Variants in ARHGEF37 observed in about 807,000 individuals in gnomAD.
The protein encoded by ARHGEF37 is Rho guanine nucleotide exchange factor (GEF) 37.
ARHGEF37 carries 55 observed loss-of-function variants against 71.1 expected under a neutral mutation model. The observed-to-expected ratio is 0.77, with a 90% CI of 0.62 to 0.97. The LOEUF (loss-of-function observed/expected upper bound fraction) is 0.97. Ranked by LOEUF, ARHGEF37 falls within the 50% of genes least tolerant of loss-of-function variation. The probability of loss-of-function intolerance (pLI) is 0.00; values close to 1 mark genes in which losing one functional copy is unlikely to be tolerated. For synonymous variants in ARHGEF37, 327 were observed against 350.6 expected (o/e 0.93, Z 0.75); for missense variants, 765 against 836.8 (o/e 0.91, Z 1.06).
chr5:149,577,752 C>A (rs1387772914), upstream of ARHGEF37, among the ~76,000 whole-genome samples: 1 of 152,222 alleles, frequency 6.6e-6, no homozygotes, highest in East Asian at 1.9e-4. Context: ...TTGTCATTTT[C>A]CTGGCTGCCC....
rs764425139 is a variant in ARHGEF37 at position 149,627,266 on chromosome 5, C to G, written c.1655C>G (p.Thr552Ser). 27 of 1,613,278 alleles carry G rather than the reference C, an allele frequency of 1.7e-5. No individual in the cohort carries two copies. Among genetic ancestry groups the G allele is most frequent in the Non-Finnish European group, 2.3e-5 (27 of 1,179,760 alleles). ...AACAGCGGCCGCTGGCTGGTGGACA[C>G]CGGGGGTACGTGAGCCTTTGGGAGC... ...KGNSGRWLVD[T>S]GGHRGYVPAG... The change falls in exon 11 of 13, where the codon ACC becomes AGC. Residue 552 changes from threonine (T) to serine (S), a missense_variant. Physicochemically the swap from Thr to Ser is moderately conservative, Grantham distance 58. Around this residue, in one of 5 missense-constraint regions of ARHGEF37, gnomAD observed 390 missense variants for 407.4 expected, o/e 0.96. Coordinates refer to ENST00000333677, the MANE Select transcript of ARHGEF37 (RefSeq NM_001001669.3).
intron 1 of ARHGEF37, among the ~76,000 whole-genome samples, chr5:149,558,275 A>G (rs1000965644): frequency 3.9e-5 from 6 of 152,088 alleles, no homozygotes; most frequent in African/African-American, 1.2e-4. Context: ...TGGGAGGCTG[A>G]GGCGGGCGGA....
At chr5:149,619,945 C>T (rs561140191) in intron 7 of ARHGEF37, among the ~76,000 whole-genome samples, 25 of 152,044 alleles carry the variant, frequency 1.6e-4, no homozygotes, top group Non-Finnish European at 2.5e-4. Context: ...AGGTGTCACA[C>T]GCCTGTAGTC....
intron 1 of ARHGEF37, among the ~76,000 whole-genome samples, chr5:149,571,567 T>G (rs976674151): frequency 1.3e-5 from 2 of 152,144 alleles, no homozygotes; most frequent in Non-Finnish European, 2.9e-5. Flanking sequence ...TATCACCAAA[T>G]TGATCCACAG....
chr5:149,581,181 G>T (rs981794721), upstream of ARHGEF37, among the ~76,000 whole-genome samples: 1 of 152,148 alleles, frequency 6.6e-6, no homozygotes, highest in African/African-American at 2.4e-5. Flanking sequence ...CAGTAATACC[G>T]GGGTCAGCAT....
Position 149,620,467 on chromosome 5 carries a change from G to T in ARHGEF37, c.1005+3G>T. 1 of 1,594,922 alleles carries T rather than the reference G, an allele frequency of 6.3e-7. No homozygotes were observed. Among genetic ancestry groups the T allele is most frequent in the Non-Finnish European group, 8.6e-7 (1 of 1,165,712 alleles). On this transcript the variant is annotated splice_donor_region_variant and intron_variant, in intron 8 of 12. Transcript: ENST00000333677. ...ACCTTGAGGCCTTCCTGAAATTTGTGAGTGGAACCTTTCCTTTCTCCTTTC... is the reference window on the plus strand; with the variant it reads ...ACCTTGAGGCCTTCCTGAAATTTGTTAGTGGAACCTTTCCTTTCTCCTTTC...
chr5:149,624,400 AAT>A (rs761370592), intron 10 of ARHGEF37, among the ~76,000 whole-genome samples: 1 of 152,370 alleles, frequency 6.6e-6, no homozygotes, highest in East Asian at 1.9e-4. Context: ...CAGACCTTTT[AAT>A]ATTAAGTGAA....
chr5:149,580,341 G>A (rs758409385), upstream of ARHGEF37, among the ~76,000 whole-genome samples: 3 of 152,030 alleles, frequency 2.0e-5, no homozygotes, highest in African/African-American at 4.8e-5. Context: ...GATTACAGCC[G>A]TGAGCCACCG....
intron 5 of ARHGEF37, 122 bp from the exon 6 acceptor site, chr5:149,618,054 C>A (rs1164185138): frequency 7.2e-7 from 1 of 1,390,972 alleles, no homozygotes; most frequent in Non-Finnish European, 1.0e-6. Context: ...ACTCACTAAC[C>A]TCATGAATGT....
In ARHGEF37 at chr5:149,630,568, G is replaced by A. The variant is rs1260511906; in HGVS notation, c.1819-1414G>A. On this transcript the variant is annotated intron_variant, in intron 12 of 12. Coordinates refer to ENST00000333677, the MANE Select transcript of ARHGEF37 (RefSeq NM_001001669.3). ...GTCAGGCCAGCATCCTTCAGCAGTA[G>A]CCAGAATTAAAGCACCAGGGGCTAC... 2.0e-5 allele frequency among the ~76,000 whole-genome samples: 3 copies of A among 152,160 alleles called. No individual in the cohort carries two copies. In the East Asian group the frequency reaches 5.8e-4, roughly 29 times the overall value.
At chr5:149,627,538 C>T (rs1261270688) in intron 11 of ARHGEF37, among the ~76,000 whole-genome samples, 1 of 152,256 alleles carries the variant, frequency 6.6e-6, no homozygotes, top group East Asian at 1.9e-4. Flanking sequence ...GCATATAAGA[C>T]AAGGCCCCTG....
chr5:149,628,780 AGCCTGCTAACCTTCTG>A lies in ARHGEF37; in HGVS notation c.1661-28_1661-13del. On this transcript the variant is annotated splice_polypyrimidine_tract_variant and intron_variant, in intron 11 of 12. Transcript: ENST00000333677. Reference sequence around the variant, plus strand: ...TAAAAGGGACGGGAAGGTGGCCCGCAGCCTGCTAACCTTCTGCATGCTCCCTAGGACATCGTGGGTA... The same window carrying A: ...TAAAAGGGACGGGAAGGTGGCCCGCACATGCTCCCTAGGACATCGTGGGTA... 1 of 1,595,104 alleles carries A rather than the reference AGCCTGCTAACCTTCTG, an allele frequency of 6.3e-7. No homozygotes were observed. Among genetic ancestry groups the A allele is most frequent in the Non-Finnish European group, 8.6e-7 (1 of 1,169,232 alleles).
At chr5:149,572,376 A>G (rs1448100267) in intron 1 of ARHGEF37, among the ~76,000 whole-genome samples, 2 of 152,232 alleles carry the variant, frequency 1.3e-5, no homozygotes, top group African/African-American at 2.4e-5. Flanking sequence ...CAGGCTATCA[A>G]GGAGACAAGT....
At position 149,568,223 on chromosome 5, in the gene ARHGEF37, C is replaced by T. The variant is rs532345441; in HGVS notation, c.-12+16100C>T. Among the ~76,000 whole-genome samples the T allele has an allele frequency of 2.0e-5, 3 of 152,064 alleles. No individual in the cohort carries two copies. The South Asian group carries it at 6.2e-4, about 32-fold the overall frequency. On this transcript the variant is annotated intron_variant, in intron 1 of 2. Coordinates refer to the ARHGEF37 transcript ENST00000505810. Reference sequence around the variant, plus strand: ...TGTTTATTTTGTAGAGACAGGGTTTCGCCATATTGCCTAGGTTGGTCTTGA... The same window carrying T: ...TGTTTATTTTGTAGAGACAGGGTTTTGCCATATTGCCTAGGTTGGTCTTGA...
In ARHGEF37 at chr5:149,627,233, C is replaced by T. The variant is rs373710218; in HGVS notation, c.1622C>T (p.Thr541Ile). The T allele has an allele frequency of 1.2e-5, 19 of 1,614,014 alleles. No individual in the cohort carries two copies. The highest frequency in any genetic ancestry group is 1.6e-5 in the Non-Finnish European group (19 of 1,180,036). The change falls in exon 11 of 13, where the codon ACC becomes ATC. Residue 541 changes from threonine to isoleucine, a missense_variant. Thr to Ile is a moderately conservative substitution (Grantham distance 89). Around this residue, in one of 5 missense-constraint regions of ARHGEF37, gnomAD observed 390 missense variants for 407.4 expected, o/e 0.96. Coordinates refer to ENST00000333677, the MANE Select transcript of ARHGEF37 (RefSeq NM_001001669.3). ...GTGGCCATCCTTCAAAACAAGGACACCAAAGGCAACAGCGGCCGCTGGCTG... is the reference window on the plus strand; with the variant it reads ...GTGGCCATCCTTCAAAACAAGGACATCAAAGGCAACAGCGGCCGCTGGCTG... Reference protein sequence around the residue: ...QIVAILQNKDTKGNSGRWLVD... With the variant: ...QIVAILQNKDIKGNSGRWLVD...
chr5:149,589,957 G>C (rs147576863), intron 1 of ARHGEF37, among the ~76,000 whole-genome samples: 2 of 152,152 alleles, frequency 1.3e-5, no homozygotes, highest in East Asian at 3.9e-4. Flanking sequence ...ATGATCCACT[G>C]TGCCCAACCT....
At chr5:149,562,708 AGCGCTG>A (rs953154345) in intron 1 of ARHGEF37, among the ~76,000 whole-genome samples, 11 of 152,082 alleles carry the variant, frequency 7.2e-5, no homozygotes, top group African/African-American at 2.7e-4. Flanking sequence ...GGCCTCCCAA[AGCGCTG>A]GGATTACAGG....
rs879810500 is a variant in ARHGEF37 at position 149,566,523 on chromosome 5, A to C, written c.-12+14400A>C. ...CCCCCCCATCCTCCCCCCCAAAAAA[A>C]CCAACCAAACAACAACAACAACAAC... is the stretch of plus-strand genomic sequence containing the variant. On this transcript the variant is annotated intron_variant, in intron 1 of 2. Coordinates refer to the ARHGEF37 transcript ENST00000505810. Among the ~76,000 whole-genome samples, 55 of 138,094 alleles carry C rather than the reference A, an allele frequency of 4.0e-4. 1 individual carries two copies. The highest frequency in any genetic ancestry group is 6.5e-4 in the Non-Finnish European group (41 of 63,456). 90.6% of individuals were successfully genotyped at this position (138,094 alleles called of 152,430 possible). A position where few individuals can be genotyped will look rare whatever the true frequency, so the allele number is the denominator to read the frequency against.
intron 2 of ARHGEF37, among the ~76,000 whole-genome samples, chr5:149,599,416 AG>A (rs1763685941): frequency 1.5e-5 from 1 of 65,254 alleles, no homozygotes; most frequent in African/African-American, 1.2e-4. Flanking sequence ...CGGCTCACCC[AG>A]GAAAGCCCAA....
Sources: allele counts gnomAD v4.1 joint callset (sites outside exome capture counted in the v4.1 genomes callset), GRCh38; gene constraint gnomAD v4.1.1; regional missense constraint gnomAD v4.1.1; transcripts MANE v1.5; gene names NCBI Gene and HGNC (gene_info 2026-07-23, HGNC 2026-07-21).